The following ZFYVE9 variants were observed in gnomAD, a reference collection of about 807,000 sequenced individuals.
ZFYVE9 encodes the protein zinc finger FYVE domain-containing protein 9.
In ZFYVE9, 43 loss-of-function variants were observed where a neutral mutation model predicts 126.7. The observed-to-expected ratio is 0.34, with a 90% CI of 0.27 to 0.44. The LOEUF is 0.44. Among genes scored for constraint, ZFYVE9 ranks in the 20% least tolerant of loss-of-function variants. ZFYVE9 has a pLI of 1.00. For synonymous variants in ZFYVE9, 521 were observed against 597.4 expected, an observed-to-expected ratio of 0.87 and a Z score of 1.87; for missense variants, 1,476 against 1,697.0, an observed-to-expected ratio of 0.87 and a Z score of 2.29.
intron 1 of ZFYVE9, among the ~76,000 whole-genome samples, chr1:52,157,753 C>T (rs995514928): frequency 1.3e-5 from 2 of 152,086 alleles, no homozygotes; most frequent in Non-Finnish European, 2.9e-5. Context: ...AAAGTTAAGT[C>T]TTATTGGCTG....
At chr1:52,318,034 A>ATCCT (rs1187379769) in intron 13 of ZFYVE9, among the ~76,000 whole-genome samples, 1 of 152,154 alleles carries the variant, frequency 6.6e-6, no homozygotes, top group African/African-American at 2.4e-5. Context: ...GAAGAGAAGG[A>ATCCT]ATCTTACTCT....
chr1:52,209,807 C>T lies in ZFYVE9; in HGVS notation c.-142-6562C>T, dbSNP rs558383495. 2.0e-5 allele frequency among the ~76,000 whole-genome samples: 3 copies of T among 152,142 alleles called. No individual in the cohort carries two copies. In the South Asian group the frequency reaches 6.3e-4, roughly 32 times the overall value. On this transcript the variant is annotated intron_variant, in intron 1 of 18. Transcript: ENST00000287727. ...AGAAGTAAGCAGAAACCAAATCAAACAGAACAGAACATTGTCAGCTATGTT... is the reference window on the plus strand; with the variant it reads ...AGAAGTAAGCAGAAACCAAATCAAATAGAACAGAACATTGTCAGCTATGTT...
At chr1:52,193,544 T>G (rs1644834109) in intron 1 of ZFYVE9, among the ~76,000 whole-genome samples, 1 of 150,932 alleles carries the variant, frequency 6.6e-6, no homozygotes, top group Admixed American at 6.6e-5. Flanking sequence ...CCGTCTCTAC[T>G]AAAAATACAA....
At chr1:52,243,732 C>T (rs1645357450) in intron 4 of ZFYVE9, among the ~76,000 whole-genome samples, 1 of 151,510 alleles carries the variant, frequency 6.6e-6, no homozygotes, top group African/African-American at 2.4e-5. Flanking sequence ...GTACTCCAGC[C>T]AGAGTGACAG....
chr1:52,287,120 C>T (rs918195846), intron 10 of ZFYVE9, among the ~76,000 whole-genome samples: 4 of 152,040 alleles, frequency 2.6e-5, no homozygotes, highest in Non-Finnish European at 4.4e-5. Flanking sequence ...GGCAGAGTCT[C>T]GCTGTGTCGC....
intron 1 of ZFYVE9, among the ~76,000 whole-genome samples, chr1:52,146,027 CCA>C (rs1168051378): frequency 1.3e-3 from 197 of 146,284 alleles, no homozygotes; most frequent in African/African-American, 3.4e-3. Context: ...TCAAAAATAT[CCA>C]CACACACACA....
At chr1:52,148,651 T>G (rs867775281) in intron 1 of ZFYVE9, among the ~76,000 whole-genome samples, 17 of 151,898 alleles carry the variant, frequency 1.1e-4, no homozygotes, top group African/African-American at 3.9e-4. Flanking sequence ...TTCTTTCTTT[T>G]TTTTTTTTGA....
At chr1:52,344,410 T>A (rs941332812) in intron 17 of ZFYVE9, among the ~76,000 whole-genome samples, 3 of 152,236 alleles carry the variant, frequency 2.0e-5, no homozygotes, top group African/African-American at 7.2e-5. Context: ...AGACTTAAGA[T>A]CATTTTCTAG....
chr1:52,287,301 C>T (rs958510700), intron 10 of ZFYVE9, among the ~76,000 whole-genome samples: 10 of 151,992 alleles, frequency 6.6e-5, no homozygotes, highest in Admixed American at 2.6e-4. Flanking sequence ...TTAGTAGAGA[C>T]GAGGTTTCAC....
intron 4 of ZFYVE9, among the ~76,000 whole-genome samples, chr1:52,240,071 A>G (rs909231159): frequency 6.6e-6 from 1 of 152,214 alleles, no homozygotes; most frequent in South Asian, 2.1e-4. Flanking sequence ...TTGCCATTAT[A>G]CAAAACATTC....
At chr1:52,274,169 G>A (rs1289799210) in intron 7 of ZFYVE9, among the ~76,000 whole-genome samples, 2 of 152,112 alleles carry the variant, frequency 1.3e-5, no homozygotes, top group South Asian at 4.1e-4. Flanking sequence ...TTCTCTTATG[G>A]CAAAAGAAAC....
chr1:52,272,673 C>CTTTTTTTTTTTTTTTTTTTTTTTTTT (rs58857376), intron 7 of ZFYVE9, among the ~76,000 whole-genome samples: 7 of 121,262 alleles, frequency 5.8e-5, no homozygotes, highest in South Asian at 2.7e-4. Context: ...TAGAAATAAT[C>CTTTTTTTTTTTTTTTTTTTTTTTTTT]TTTTTTTTTT....
intron 4 of ZFYVE9, among the ~76,000 whole-genome samples, chr1:52,259,083 G>C (rs1408308887): frequency 6.6e-6 from 1 of 152,150 alleles, no homozygotes. Flanking sequence ...CTGAAATTAA[G>C]GTGATAGCAG....
At chr1:52,263,135 T>C (rs1177642104) in intron 4 of ZFYVE9, among the ~76,000 whole-genome samples, 2 of 151,682 alleles carry the variant, frequency 1.3e-5, no homozygotes, top group African/African-American at 4.8e-5. Flanking sequence ...AGATTGTTGT[T>C]GCCTGGTGTA....
At chr1:52,147,786 A>C (rs973277302) in intron 1 of ZFYVE9, among the ~76,000 whole-genome samples, 2 of 152,200 alleles carry the variant, frequency 1.3e-5, no homozygotes, top group African/African-American at 4.8e-5. Context: ...AGAAACTATC[A>C]GATTGTTTTT....
intron 1 of ZFYVE9, among the ~76,000 whole-genome samples, chr1:52,170,525 G>A (rs1271383732): frequency 6.6e-6 from 1 of 151,028 alleles, no homozygotes; most frequent in Non-Finnish European, 1.5e-5. Context: ...TCTAATTTTG[G>A]GTTTGGTTTG....
chr1:52,220,351 A>C (rs913912383), intron 2 of ZFYVE9, among the ~76,000 whole-genome samples: 1 of 152,166 alleles, frequency 6.6e-6, no homozygotes, highest in Admixed American at 6.5e-5. Flanking sequence ...TGGATATGAT[A>C]TGTTCCAACA....
In ZFYVE9 at chr1:52,303,843, C is replaced by A; in HGVS notation, c.3356C>A (p.Thr1119Asn). The change falls in exon 13 of 19, where the codon ACC becomes AAC. Residue 1119 changes from threonine (T) to asparagine (N), a missense_variant. Physicochemically the swap from Thr to Asn is moderately conservative, Grantham distance 65. This residue lies in a region of ZFYVE9 where 669 missense variants were observed against 902.4 expected (regional missense o/e 0.74). Transcript: ENST00000287727. ...CAGGACTTCAGAAATTACCAGTATA[C>A]CTTGCCAGTAGTTCAAGGTTTGGTG... Reference protein sequence around the residue: ...LLADFRNYQYTLPVVQGLVVD... With the variant: ...LLADFRNYQYNLPVVQGLVVD... The A allele has an allele frequency of 3.1e-6, 5 of 1,591,872 alleles. No individual in the cohort carries two copies. The highest frequency in any genetic ancestry group is 4.3e-6 in the Non-Finnish European group (5 of 1,169,652).
chr1:52,263,938 C>A, intron 5 of ZFYVE9, 66 bp downstream of exon 5: 1 of 1,050,698 alleles, frequency 9.5e-7, no homozygotes, highest in Non-Finnish European at 1.4e-6. Flanking sequence ...GATGAGAAGA[C>A]TTTTTTCCCC....
Sources: allele counts gnomAD v4.1 joint callset (sites outside exome capture counted in the v4.1 genomes callset), GRCh38; gene constraint gnomAD v4.1.1; regional missense constraint gnomAD v4.1.1; transcripts MANE v1.5; gene names NCBI Gene and HGNC (gene_info 2026-07-23, HGNC 2026-07-21).